Variants in NAALAD2 observed in about 807,000 individuals in gnomAD.
NAALAD2 encodes N-acetylated-alpha-linked acidic dipeptidase 2.
In NAALAD2, 89 loss-of-function variants were observed where a neutral mutation model predicts 95.6. That is an observed-to-expected ratio of 0.93 (90% CI 0.78 to 1.11). NAALAD2 has a LOEUF of 1.11. Among genes scored for constraint, NAALAD2 ranks in the 50% least tolerant of loss-of-function variants. The pLI, the probability that NAALAD2 is intolerant of heterozygous loss-of-function variation, is 0.00. For missense variants in NAALAD2, 894 were observed against 872.4 expected, an observed-to-expected ratio of 1.02 and a Z score of -0.31; for synonymous variants, 264 against 294.4, an observed-to-expected ratio of 0.90 and a Z score of 1.06.
chr11:90,132,316 A>G (rs959946130), upstream of NAALAD2: 4 of 152,460 alleles, frequency 2.6e-5, no homozygotes, highest in African/African-American at 7.2e-5. Context: ...TCAAACTTCA[A>G]TTAGCAATAA....
chr11:90,154,863 A>G (rs1175864058), intron 6 of NAALAD2, among the ~76,000 whole-genome samples: 1 of 138,014 alleles, frequency 7.2e-6, no homozygotes, highest in Non-Finnish European at 1.5e-5. Flanking sequence ...TAATATGTAT[A>G]TATTATATAC....
At chr11:90,173,222 A>G (rs1051985015) in intron 13 of NAALAD2, among the ~76,000 whole-genome samples, 1 of 152,154 alleles carries the variant, frequency 6.6e-6, no homozygotes, top group Non-Finnish European at 1.5e-5. Context: ...AAAATTCCCA[A>G]GTAGAAATCT....
rs1461726365 is a variant in NAALAD2, at chr11:90,134,709, C to T, written c.-50C>T. 3.1e-6 allele frequency: 5 copies of T among 1,590,004 alleles called. No individual in the cohort carries two copies. In the East Asian group the frequency reaches 1.1e-4, roughly 36 times the overall value. ...GCGCGCTCTCTGTTTCTCTGCAGCC[C>T]CGAAGCTCGCGAATGTAGCAGGCGC... is the stretch of plus-strand genomic sequence containing the variant. On this transcript the variant is annotated 5_prime_UTR_variant, in exon 1 of 19. Transcript: ENST00000534061.
rs554498528 is a variant in NAALAD2 at position 90,171,809 on chromosome 11, A to T, written c.1410+1673A>T. Reference sequence around the variant, plus strand: ...GCTTGGAGAGAAGGGCAGCTGCCAGATGCAGCAAGAAATGGGGCAAAGTGT... The same window carrying T: ...GCTTGGAGAGAAGGGCAGCTGCCAGTTGCAGCAAGAAATGGGGCAAAGTGT... On this transcript the variant is annotated intron_variant, in intron 13 of 18. Transcript: ENST00000534061. Among the ~76,000 whole-genome samples, 206 of 152,228 alleles carry T rather than the reference A, an allele frequency of 1.4e-3. 1 individual carries two copies. The highest frequency in any genetic ancestry group is 4.9e-3 in the African/African-American group (203 of 41,540).
chr11:90,152,902 T>G (rs1386667225), intron 6 of NAALAD2, among the ~76,000 whole-genome samples: 3 of 152,208 alleles, frequency 2.0e-5, no homozygotes, highest in African/African-American at 4.8e-5. Flanking sequence ...TTGTGTTATT[T>G]AAAACATAAA....
At chr11:90,185,229 ATTT>A (rs1277588876) in intron 18 of NAALAD2, among the ~76,000 whole-genome samples, 2 of 151,778 alleles carry the variant, frequency 1.3e-5, no homozygotes, top group South Asian at 2.1e-4. Context: ...TATATAAACA[ATTT>A]TTATTTACAT....
chr11:90,184,963 G>C (rs1857090447), intron 18 of NAALAD2, among the ~76,000 whole-genome samples: 1 of 152,050 alleles, frequency 6.6e-6, no homozygotes, highest in African/African-American at 2.4e-5. Flanking sequence ...CATTTACATT[G>C]TATTAGGTGC....
At position 90,168,934 on chromosome 11, in the gene NAALAD2, T is replaced by C; in HGVS notation, c.1284T>C (p.Asn428=). ...LLGSTEWAEE[N]VKILQERSIA... The stretch of plus-strand genomic sequence containing the variant: ...CAACTTTGCTTCAACTACAGGAGAA[T>C]GTCAAAATACTCCAGGAGAGAAGCA... The change falls in exon 12 of 19, where the codon AAT becomes AAC. Residue 428 remains asparagine (N), a synonymous_variant. Coordinates refer to ENST00000534061, the MANE Select transcript of NAALAD2 (RefSeq NM_005467.4). 1 of 1,607,452 alleles carries C rather than the reference T, an allele frequency of 6.2e-7. No homozygotes were observed. The highest frequency in any genetic ancestry group is 8.5e-7 in the Non-Finnish European group (1 of 1,177,154).
chr11:90,172,872 C>T (rs574901762), intron 13 of NAALAD2, among the ~76,000 whole-genome samples: 1 of 152,176 alleles, frequency 6.6e-6, no homozygotes, highest in South Asian at 2.1e-4. Context: ...AGAAAGGTAC[C>T]ATTATCCCCA....
intron 12 of NAALAD2, 145 bp downstream of exon 12, chr11:90,169,137 C>A: frequency 1.9e-6 from 1 of 532,602 alleles, no homozygotes; most frequent in Non-Finnish European, 3.3e-6. Flanking sequence ...TTTGAGATGC[C>A]TCAGTAATAC....
rs1951865193 is a variant in NAALAD2, at chr11:90,150,618, AT to A, written c.609+14del. The A allele has an allele frequency of 6.4e-7, 1 of 1,573,806 alleles. No homozygotes were observed. The highest frequency in any genetic ancestry group is 8.7e-7 in the Non-Finnish European group (1 of 1,150,352). On this transcript the variant is annotated intron_variant, in intron 5 of 18. Coordinates refer to ENST00000534061, the MANE Select transcript of NAALAD2 (RefSeq NM_005467.4). Reference sequence around the variant, plus strand: ...TTCAGAGGAAATAAAGTACAGTATTATTTGTTTTTCTACAGAGAATGAGAGG... The same window carrying A: ...TTCAGAGGAAATAAAGTACAGTATTATTGTTTTTCTACAGAGAATGAGAGG...
chr11:90,159,453 C>A, intron 8 of NAALAD2, 116 bp downstream of exon 8: 1 of 671,942 alleles, frequency 1.5e-6, no homozygotes, highest in Admixed American at 2.8e-5. Context: ...TTCTAAACAA[C>A]CATTTTACAT....
intron 8 of NAALAD2, among the ~76,000 whole-genome samples, chr11:90,162,172 G>C (rs553100071): frequency 3.2e-4 from 49 of 152,228 alleles, no homozygotes; most frequent in East Asian, 7.7e-4. Context: ...TTGGGGAAAA[G>C]TAGCATTTTC....
intron 18 of NAALAD2, among the ~76,000 whole-genome samples, chr11:90,183,818 TAGGTA>T (rs1284399540): frequency 6.6e-6 from 1 of 152,182 alleles, no homozygotes; most frequent in East Asian, 1.9e-4. Flanking sequence ...GTTGGTAGGT[TAGGTA>T]TATTAAATGC....
At chr11:90,141,366 A>G (rs915834104) in intron 2 of NAALAD2, among the ~76,000 whole-genome samples, 1 of 152,184 alleles carries the variant, frequency 6.6e-6, no homozygotes, top group Non-Finnish European at 1.5e-5. Flanking sequence ...TGAACGTGGT[A>G]TGTTTCCAAT....
At chr11:90,163,915 G>T (rs1952367794) in intron 11 of NAALAD2, 1 of 462,004 alleles carries the variant, frequency 2.2e-6, no homozygotes, top group Non-Finnish European at 3.8e-6. Context: ...CAAAATTAAT[G>T]AGATATTTTT....
intron 14 of NAALAD2, 44 bp from the exon 15 acceptor site, chr11:90,175,928 A>ATGTGTG (rs140876943): frequency 0.16 from 150,844 of 962,300 alleles, 6,721 homozygotes; most frequent in African/African-American, 0.34. Flanking sequence ...TTACTTGTTT[A>ATGTGTG]TGTGTGTGTG....
At chr11:90,169,092 T>C in intron 12 of NAALAD2, 100 bp downstream of exon 12, 1 of 756,640 alleles carries the variant, frequency 1.3e-6, no homozygotes, top group Non-Finnish European at 2.1e-6. Flanking sequence ...AGACTATAAA[T>C]TCTAGCTTAT....
chr11:90,168,840 C>T (rs1405817762), intron 11 of NAALAD2, 89 bp from the exon 12 acceptor site: 5 of 1,058,508 alleles, frequency 4.7e-6, no homozygotes, highest in Admixed American at 2.2e-5. Context: ...ACTTGTAAAC[C>T]GCTTTTCCAC....
Sources: gnomAD v4.1 joint callset for allele counts (sites outside exome capture counted in the v4.1 genomes callset) on GRCh38, gnomAD v4.1.1 for gene constraint, MANE v1.5 for transcripts, NCBI Gene and HGNC (gene_info 2026-07-23, HGNC 2026-07-21) for gene names.